The following DLG2 variants were observed in gnomAD, a reference collection of about 807,000 sequenced individuals.
DLG2 encodes disks large homolog 2.
Under a neutral mutation model 132.5 loss-of-function variants are expected in DLG2, and 45 were observed. That is an observed-to-expected ratio of 0.34 (90% CI 0.27 to 0.44). The LOEUF is 0.44. DLG2 is among the 20% of genes least tolerant of loss of function. The pLI, the probability that DLG2 is intolerant of heterozygous loss-of-function variation, is 1.00. For missense variants in DLG2, 1,045 were observed against 1,196.9 expected (o/e 0.87, Z 1.87); for synonymous variants, 424 against 419.6 (o/e 1.01, Z -0.13).
At chr11:83,626,304 C>T (rs2062518188) in intron 19 of DLG2, among the ~76,000 whole-genome samples, 3 of 152,064 alleles carry the variant, frequency 2.0e-5, no homozygotes, top group African/African-American at 7.2e-5. Context: ...AAATGAATTA[C>T]CATTTCTATG....
chr11:84,761,571 T>A (rs994840792), intron 6 of DLG2, among the ~76,000 whole-genome samples: 1 of 152,178 alleles, frequency 6.6e-6, no homozygotes, highest in African/African-American at 2.4e-5. Context: ...ATGGAAAGAC[T>A]AGACTAACTA....
At chr11:83,721,958 G>T (rs1763786567) in intron 18 of DLG2, among the ~76,000 whole-genome samples, 1 of 152,158 alleles carries the variant, frequency 6.6e-6, no homozygotes, top group South Asian at 2.1e-4. Context: ...TTAGAAAAAA[G>T]TGTGACAGTT....
intron 6 of DLG2, among the ~76,000 whole-genome samples, chr11:84,734,153 A>G (rs1438834901): frequency 6.6e-6 from 1 of 152,144 alleles, no homozygotes; most frequent in Non-Finnish European, 1.5e-5. Context: ...ACTTTAAAGA[A>G]GTTTTTTCCA....
At chr11:83,472,102 A>C (rs960216753) in intron 23 of DLG2, among the ~76,000 whole-genome samples, 2 of 152,194 alleles carry the variant, frequency 1.3e-5, no homozygotes, top group African/African-American at 4.8e-5. Flanking sequence ...ATATGACTAT[A>C]AAAAGTAATT....
At chr11:85,026,048 A>G (rs1334696810) in intron 6 of DLG2, among the ~76,000 whole-genome samples, 1 of 152,098 alleles carries the variant, frequency 6.6e-6, no homozygotes, top group African/African-American at 2.4e-5. Flanking sequence ...ATTTTTATAA[A>G]CTTGATGGTG....
chr11:85,319,174 T>C (rs2080885196), intron 3 of DLG2, among the ~76,000 whole-genome samples: 1 of 151,902 alleles, frequency 6.6e-6, no homozygotes, highest in South Asian at 2.1e-4. Flanking sequence ...TGAAACCATA[T>C]AATATGCTAT....
At chr11:83,987,703 G>T (rs78157759) in intron 11 of DLG2, among the ~76,000 whole-genome samples, 3,367 of 152,026 alleles carry the variant, frequency 0.022, 67 homozygotes, top group Middle Eastern at 0.034. Context: ...AATTCAAGAT[G>T]GATTAAAGAC....
At chr11:84,788,926 T>C (rs1043534201) in intron 6 of DLG2, among the ~76,000 whole-genome samples, 7 of 152,138 alleles carry the variant, frequency 4.6e-5, no homozygotes, top group African/African-American at 1.7e-4. Flanking sequence ...GGAAGCTCTG[T>C]TTTCCTCACT....
intron 8 of DLG2, among the ~76,000 whole-genome samples, chr11:84,249,156 T>TA (rs566209107): frequency 1.6e-4 from 25 of 152,224 alleles, no homozygotes; most frequent in Non-Finnish European, 3.2e-4. Flanking sequence ...TGGTCTTACT[T>TA]ACAAAATCAG....
At chr11:85,613,230 G>C (rs542180653) in intron 2 of DLG2, among the ~76,000 whole-genome samples, 5 of 151,956 alleles carry the variant, frequency 3.3e-5, no homozygotes, top group African/African-American at 9.7e-5. Flanking sequence ...CTCTAGAATC[G>C]AGGCCATCAA....
chr11:85,298,600 T>C (rs2079390317), intron 3 of DLG2, among the ~76,000 whole-genome samples: 1 of 152,160 alleles, frequency 6.6e-6, no homozygotes, highest in Non-Finnish European at 1.5e-5. Flanking sequence ...TGACATGTGA[T>C]TCTGAACTAA....
At chr11:83,547,729 C>T (rs1438555176) in intron 19 of DLG2, among the ~76,000 whole-genome samples, 1 of 152,136 alleles carries the variant, frequency 6.6e-6, no homozygotes, top group Non-Finnish European at 1.5e-5. Flanking sequence ...CTGTACCAGA[C>T]CTACAGAACT....
At chr11:83,747,313 TTCCTTC>T (rs2092987032) in intron 18 of DLG2, among the ~76,000 whole-genome samples, 1 of 147,162 alleles carries the variant, frequency 6.8e-6, no homozygotes, top group African/African-American at 2.5e-5. Context: ...CCTTCCTTCC[TTCCTTC>T]CTTCCTTCCT....
At chr11:83,963,712 C>T (rs990025867) in intron 13 of DLG2, among the ~76,000 whole-genome samples, 6 of 151,988 alleles carry the variant, frequency 3.9e-5, no homozygotes, top group Non-Finnish European at 8.8e-5. Context: ...CTTTGCCATT[C>T]TTGCAAGATC....
intron 8 of DLG2, among the ~76,000 whole-genome samples, chr11:84,196,485 A>G (rs1272592058): frequency 2.6e-5 from 4 of 152,210 alleles, no homozygotes; most frequent in Admixed American, 2.0e-4. Context: ...AAGAAATACT[A>G]CTGAGGAATA....
intron 8 of DLG2, among the ~76,000 whole-genome samples, chr11:84,218,851 A>G (rs2096875342): frequency 6.6e-6 from 1 of 152,222 alleles, no homozygotes; most frequent in Non-Finnish European, 1.5e-5. Context: ...AGTGCATAGA[A>G]CAGCTCTTCA....
intron 6 of DLG2, among the ~76,000 whole-genome samples, chr11:84,882,664 G>A (rs1419123028): frequency 2.6e-5 from 4 of 151,986 alleles, no homozygotes; most frequent in South Asian, 2.1e-4. Context: ...AAATGTTTTC[G>A]GTAAATCAAA....
intron 21 of DLG2, among the ~76,000 whole-genome samples, chr11:83,493,546 A>T (rs1036243697): frequency 1.3e-5 from 2 of 152,122 alleles, no homozygotes; most frequent in African/African-American, 4.8e-5. Context: ...CATATAGTAT[A>T]TACTCAATAA....
intron 18 of DLG2, among the ~76,000 whole-genome samples, chr11:83,757,360 T>A (rs1385876755): frequency 6.6e-6 from 1 of 152,242 alleles, no homozygotes; most frequent in South Asian, 2.1e-4. Context: ...GAGTGGAGAC[T>A]GCATTGTTTA....
Sources: allele counts gnomAD v4.1 joint callset (sites outside exome capture counted in the v4.1 genomes callset), GRCh38; gene constraint gnomAD v4.1.1; transcripts MANE v1.5; gene names NCBI Gene and HGNC (gene_info 2026-07-23, HGNC 2026-07-21).